CSMD1: variants seen among roughly 807,000 people sequenced by gnomAD.
CSMD1 encodes the protein CUB and Sushi multiple domains 1.
Under a neutral mutation model 417.5 loss-of-function variants are expected in CSMD1, and 213 were observed. That is an observed-to-expected ratio of 0.51 (90% CI 0.46 to 0.57). CSMD1 has a LOEUF of 0.57. Among genes scored for constraint, CSMD1 ranks in the 20% least tolerant of loss-of-function variants. The pLI is 0.00. For synonymous variants in CSMD1, 2,862 were observed against 1,736.8 expected, an observed-to-expected ratio of 1.65 and a Z score of -16.11; for missense variants, 6,923 against 4,529.7, an observed-to-expected ratio of 1.53 and a Z score of -15.17.
intron 1 of CSMD1, among the ~76,000 whole-genome samples, chr8:4,840,340 T>C (rs1800770348): frequency 6.6e-6 from 1 of 152,222 alleles, no homozygotes; most frequent in Non-Finnish European, 1.5e-5. Context: ...CTGTTATCTG[T>C]AATGCAATGA....
chr8:4,840,658 G>C (rs1444933887), intron 1 of CSMD1, among the ~76,000 whole-genome samples: 1 of 152,120 alleles, frequency 6.6e-6, no homozygotes, highest in African/African-American at 2.4e-5. Context: ...TGAGTGACGT[G>C]TCCCAAAAAA....
intron 5 of CSMD1, among the ~76,000 whole-genome samples, chr8:3,925,245 G>A (rs1317357089): frequency 6.6e-6 from 1 of 152,198 alleles, no homozygotes; most frequent in Non-Finnish European, 1.5e-5. Context: ...CGACCTATAA[G>A]TAATGCATTT....
At chr8:4,210,154 G>C (rs985244866) in intron 3 of CSMD1, among the ~76,000 whole-genome samples, 1 of 152,150 alleles carries the variant, frequency 6.6e-6, no homozygotes, top group East Asian at 1.9e-4. Flanking sequence ...GTCACTGTGT[G>C]TCAAATCTGA....
In CSMD1 at chr8:3,261,945, A is replaced by G. The variant is rs1472886463; in HGVS notation, c.4153+22199T>C. On this transcript the variant is annotated intron_variant, in intron 26 of 69. Transcript: ENST00000635120. ...CTACTTATTGATAGTATCAATGTCA[A>G]CGCGTGGGCTGTGATAGTGAACTCT... Among the ~76,000 whole-genome samples the G allele has an allele frequency of 2.6e-5, 4 of 151,936 alleles. No homozygotes were observed. In the East Asian group the frequency reaches 5.8e-4, roughly 22 times the overall value.
chr8:3,387,808 C>T, intron 17 of CSMD1, 126 bp from the exon 18 acceptor site: 1 of 752,074 alleles, frequency 1.3e-6, no homozygotes, highest in Non-Finnish European at 2.1e-6. Flanking sequence ...TGCAAGTGAA[C>T]CCAACAATCC....
rs566260803 is a variant in CSMD1 at position 4,918,572 on chromosome 8, C to T, written c.85+75760G>A. Among the ~76,000 whole-genome samples, 15 of 152,168 alleles carry T rather than the reference C, an allele frequency of 9.9e-5. No homozygotes were observed. The East Asian group carries it at 1.9e-3, about 20-fold the overall frequency. ...ATTTCCAATGTCTAGACAAGCACTG[C>T]GAGTTGTGCTTTAAAAAGACACAAA... On this transcript the variant is annotated intron_variant, in intron 1 of 69. Coordinates refer to ENST00000635120, the MANE Select transcript of CSMD1 (RefSeq NM_033225.6).
intron 49 of CSMD1, among the ~76,000 whole-genome samples, chr8:3,078,951 C>T (rs144868646): frequency 5.2e-4 from 79 of 151,238 alleles, no homozygotes; most frequent in African/African-American, 1.5e-3. Flanking sequence ...CCAACATTTG[C>T]GTTTAGTCCT....
rs869172129 is a variant in CSMD1, at chr8:3,747,497, G to GT, written c.931+6432dup. 9.2e-3 allele frequency among the ~76,000 whole-genome samples: 627 copies of GT among 68,398 alleles called. 6 individuals carry two copies. The highest frequency in any genetic ancestry group is 0.025 in the African/African-American group (563 of 22,398). 44.9% of individuals were successfully genotyped at this position (68,398 alleles called of 152,430 possible). A position where few individuals can be genotyped will look rare whatever the true frequency, so the allele number is the denominator to read the frequency against. ...TTTCATATAAACAAATCATACGTTT[G>GT]TTTTTTTTCCTTTCATGAAATATTG... On this transcript the variant is annotated intron_variant, in intron 6 of 69. Transcript: ENST00000635120.
intron 5 of CSMD1, among the ~76,000 whole-genome samples, chr8:3,775,329 T>C (rs2720761): frequency 3.9e-5 from 6 of 152,182 alleles, no homozygotes; most frequent in African/African-American, 9.7e-5. Context: ...ATGCAGGCAA[T>C]GTATCCTACG....
chr8:4,442,354 C>A (rs1184288386), intron 2 of CSMD1, among the ~76,000 whole-genome samples: 1 of 152,168 alleles, frequency 6.6e-6, no homozygotes, highest in Non-Finnish European at 1.5e-5. Context: ...CTATCCCATT[C>A]CCACACGTTT....
chr8:4,475,738 G>A (rs144763487), intron 2 of CSMD1, among the ~76,000 whole-genome samples: 50 of 151,894 alleles, frequency 3.3e-4, no homozygotes, highest in Non-Finnish European at 5.9e-4. Context: ...TCAGCCTCCC[G>A]AGTAGCTGGG....
chr8:3,595,391 G>C (rs565022136), intron 8 of CSMD1, among the ~76,000 whole-genome samples: 2 of 152,184 alleles, frequency 1.3e-5, no homozygotes, highest in South Asian at 2.1e-4. Context: ...GTCTTTTCTG[G>C]GTCATTTTTT....
chr8:3,941,692 G>C (rs746710296), intron 5 of CSMD1, among the ~76,000 whole-genome samples: 4 of 152,142 alleles, frequency 2.6e-5, no homozygotes, highest in Non-Finnish European at 2.9e-5. Flanking sequence ...AATGTAATGA[G>C]ATTTTTTCCC....
intron 3 of CSMD1, among the ~76,000 whole-genome samples, chr8:4,221,940 A>G (rs563041960): frequency 2.0e-5 from 3 of 152,170 alleles, no homozygotes; most frequent in Non-Finnish European, 4.4e-5. Flanking sequence ...AGGAACCAGT[A>G]ACAACACTGT....
chr8:4,501,756 TGCA>T (rs1227137964), intron 2 of CSMD1, among the ~76,000 whole-genome samples: 2 of 152,284 alleles, frequency 1.3e-5, no homozygotes, highest in African/African-American at 2.4e-5. Context: ...GTTGCAGTAG[TGCA>T]GCATTTGTGT....
intron 10 of CSMD1, among the ~76,000 whole-genome samples, chr8:3,507,482 T>C (rs947369680): frequency 9.2e-5 from 14 of 152,212 alleles, no homozygotes; most frequent in African/African-American, 3.1e-4. Context: ...CATGTGTCTT[T>C]ATAGCAGCAT....
chr8:3,000,961 A>G (rs1285833323), intron 52 of CSMD1, among the ~76,000 whole-genome samples: 1 of 151,586 alleles, frequency 6.6e-6, no homozygotes, highest in Non-Finnish European at 1.5e-5. Context: ...CTCTGACATT[A>G]TTCCACTCAC....
intron 54 of CSMD1, among the ~76,000 whole-genome samples, chr8:2,992,335 GATGGTTGCACAAC>G (rs1363482691): frequency 6.6e-6 from 1 of 152,164 alleles, no homozygotes; most frequent in Non-Finnish European, 1.5e-5. Context: ...AGACAGAGGT[GATGGTTGCACAAC>G]ATGGTCATGG....
Position 3,795,965 on chromosome 8 carries a change from GATATCTATCATGTACAGATATAGATAT to G in CSMD1, c.819-41950_819-41924del, listed in dbSNP as rs1563088715. ...TAGATATCTATCATGTACAGATATA[GATATCTATCATGTACAGATATAGATAT>G]ATATCTATCATGTATATAGATATAT... On this transcript the variant is annotated intron_variant, in intron 5 of 69. Coordinates refer to ENST00000635120, the MANE Select transcript of CSMD1 (RefSeq NM_033225.6). Among the ~76,000 whole-genome samples the G allele has an allele frequency of 2.6e-3, 69 of 26,110 alleles. 20 individuals carry two copies. The highest frequency in any genetic ancestry group is 7.0e-3 in the East Asian group (6 of 860). The allele number at this position is 26,110 out of a possible 152,430, so 17.1% of individuals were successfully genotyped here. A position where few individuals can be genotyped will look rare whatever the true frequency, so the allele number is the denominator to read the frequency against.
Sources: allele counts gnomAD v4.1 joint callset (sites outside exome capture counted in the v4.1 genomes callset), GRCh38; gene constraint gnomAD v4.1.1; transcripts MANE v1.5; gene names NCBI Gene and HGNC (gene_info 2026-07-23, HGNC 2026-07-21).